Variants in ADPRHL1 observed in about 807,000 individuals in gnomAD.
ADPRHL1 encodes ADP-ribosylhydrolase like 1, also known as inactive ADP-ribosyltransferase ARH2.
In ADPRHL1, 43 loss-of-function variants were observed where a neutral mutation model predicts 44.1. The observed-to-expected ratio is 0.98, with a 90% CI of 0.76 to 1.26. The LOEUF (loss-of-function observed/expected upper bound fraction) is 1.26. Among genes scored for constraint, ADPRHL1 ranks in the 50% most tolerant of loss-of-function variants. ADPRHL1 has a pLI of 0.00. For missense variants in ADPRHL1, 2,022 were observed against 2,496.9 expected, an observed-to-expected ratio of 0.81 and a Z score of 4.05; for synonymous variants, 878 against 1,017.4, an observed-to-expected ratio of 0.86 and a Z score of 2.61.
In ADPRHL1 at chr13:113,433,726, C is replaced by A. The variant is rs1182282367; in HGVS notation, c.505+16G>T. The A allele has an allele frequency of 3.2e-6, 5 of 1,580,456 alleles. No individual in the cohort carries two copies. The African/African-American group carries it at 5.4e-5, about 17-fold the overall frequency. On this transcript the variant is annotated intron_variant, in intron 3 of 7. Transcript: ENST00000612156. ...ACTCCACGCTGACCTCCCTCCCACC[C>A]CCCGCCCACACTTACCTGTGGGATG...
chr13:113,422,983 A>G lies in ADPRHL1; in HGVS notation c.908-4T>C, dbSNP rs773550058. The G allele has an allele frequency of 3.1e-6, 5 of 1,612,592 alleles. No homozygotes were observed. The African/African-American group carries it at 6.7e-5, about 22-fold the overall frequency. ...GTGCCCGTGGCCGCGCTCTCCCCTG[A>G]AACGCAAAGGCAGCAGTTGCAGTGG... On this transcript the variant is annotated splice_polypyrimidine_tract_variant and splice_region_variant and intron_variant, in intron 6 of 7. Transcript: ENST00000612156.
chr13:113,428,002 A>T (rs1281201895), intron 4 of ADPRHL1, among the ~76,000 whole-genome samples: 4 of 152,270 alleles, frequency 2.6e-5, no homozygotes, highest in Admixed American at 2.6e-4. Flanking sequence ...GAGGTGGCTC[A>T]TGCCTGTAAT....
At chr13:113,421,913 C>T (rs2043926663) in intron 7 of ADPRHL1, 1 of 152,244 alleles carries the variant, frequency 6.6e-6, no homozygotes, top group South Asian at 2.1e-4. Context: ...AAAAGAGAGG[C>T]CCTAGCCAAG....
At chr13:113,448,585 C>T (rs752631559) in intron 1 of ADPRHL1, among the ~76,000 whole-genome samples, 3 of 151,198 alleles carry the variant, frequency 2.0e-5, no homozygotes, top group Non-Finnish European at 2.9e-5. Context: ...TGTTTCCAAA[C>T]GTTTTCTGCC....
At position 113,453,199 on chromosome 13, in the gene ADPRHL1, C is replaced by T. The variant is rs369375515; in HGVS notation, c.214+25G>A. On this transcript the variant is annotated intron_variant, in intron 1 of 7. Coordinates refer to ENST00000612156, the MANE Select transcript of ADPRHL1 (RefSeq NM_001394807.1). This position sits in a 1 kb window ranked among gnomAD's most constrained non-coding sequence, Gnocchi z 5.4. ...GCCAGTGTTCCCTCCAGCCCGCACA[C>T]CGGAGCGCGGTGGGCCCAGCCTACC... 1 of 1,613,208 alleles carries T rather than the reference C, an allele frequency of 6.2e-7. No individual in the cohort carries two copies. The highest frequency in any genetic ancestry group is 8.5e-7 in the Non-Finnish European group (1 of 1,179,648).
chr13:113,412,437 C>T (rs1404736455), intron 7 of ADPRHL1, among the ~76,000 whole-genome samples: 3 of 152,258 alleles, frequency 2.0e-5, no homozygotes, highest in South Asian at 2.1e-4. Context: ...CTCGGCCTCC[C>T]AAAGTGCTGG....
At chr13:113,413,860 G>C (rs912342399) in intron 7 of ADPRHL1, among the ~76,000 whole-genome samples, 13 of 152,346 alleles carry the variant, frequency 8.5e-5, no homozygotes, top group African/African-American at 1.7e-4. Flanking sequence ...TAAACAGCAG[G>C]GTGCCCGGCT....
At chr13:113,415,770 A>AAAAAAAAAAAAAAAG (rs1555325970) in intron 7 of ADPRHL1, among the ~76,000 whole-genome samples, 1 of 132,850 alleles carries the variant, frequency 7.5e-6, no homozygotes, top group African/African-American at 3.1e-5. Flanking sequence ...AAAAAAAAAA[A>AAAAAAAAAAAAAAAG]AGAGAGAGAG....
chr13:113,430,576 C>A (rs915097866), intron 3 of ADPRHL1, among the ~76,000 whole-genome samples: 4 of 152,160 alleles, frequency 2.6e-5, no homozygotes, highest in Admixed American at 6.5e-5. Flanking sequence ...GTGACTGCAG[C>A]AGTGGTTGTC....
chr13:113,442,528 G>C (rs530317906), intron 2 of ADPRHL1, among the ~76,000 whole-genome samples: 3 of 152,276 alleles, frequency 2.0e-5, no homozygotes, highest in Admixed American at 1.3e-4. Context: ...TGGCTCCACC[G>C]TCTTCTCACT....
intron 1 of ADPRHL1, among the ~76,000 whole-genome samples, chr13:113,446,903 GTGTGCATGGTGTCTACATGCAAGTTGTA>G (rs1263982852): frequency 6.8e-6 from 1 of 146,402 alleles, no homozygotes; most frequent in African/African-American, 2.6e-5. Context: ...ACGGTGTTGT[GTGTGCATGGTGTCTACATGCAAGTTGTA>G]TGTGCATGGT....
chr13:113,446,804 T>C (rs567070471), intron 1 of ADPRHL1, among the ~76,000 whole-genome samples: 1 of 149,560 alleles, frequency 6.7e-6, no homozygotes, highest in South Asian at 2.1e-4. Context: ...ATGCACAGTA[T>C]TGTCTACACG....
rs578000434 is a variant in ADPRHL1 at position 113,406,606 on chromosome 13, G to T, written c.2676C>A (p.Asn892Lys). 2.7e-5 allele frequency: 33 copies of T among 1,232,056 alleles called. No homozygotes were observed. In the African/African-American group the frequency reaches 3.7e-4, roughly 14 times the overall value. The allele number at this position is 1,232,056 out of a possible 1,614,324, so 76.3% of individuals were successfully genotyped here. A position where few individuals can be genotyped will look rare whatever the true frequency, so the allele number is the denominator to read the frequency against. Residue 892 changes from asparagine (N) to lysine (K), a missense_variant, in exon 8 of 8, where the codon AAC (asparagine) becomes AAA (lysine). By Grantham distance (94) the Asn-to-Lys change is moderately conservative. This residue lies in a region of ADPRHL1 where 1,221 missense variants were observed against 1,517.8 expected (regional missense o/e 0.80). Transcript: ENST00000612156. ...CCACTGGGGCTCGGTGACCCCTTCT[G>T]TTCTCAGTCACGGTGGGAAATTCTG... ...AHTEFPTVTE[N>K]RRGHRAPVEL...
chr13:113,414,107 A>G (rs1431894163), intron 7 of ADPRHL1, among the ~76,000 whole-genome samples: 1 of 152,060 alleles, frequency 6.6e-6, no homozygotes, highest in African/African-American at 2.4e-5. Context: ...GGCAGGGAAC[A>G]CCCTCAGCCG....
chr13:113,425,250 G>A (rs2043959898), intron 4 of ADPRHL1, 71 bp from the exon 5 acceptor site: 2 of 1,224,618 alleles, frequency 1.6e-6, no homozygotes, highest in South Asian at 1.5e-5. Context: ...GGGAGTTGGG[G>A]GTGGGGAGGG....
Position 113,425,039 on chromosome 13 carries a change from G to C in ADPRHL1, c.774+13C>G, listed in dbSNP as rs1280991665. 3 of 1,613,102 alleles carry C rather than the reference G, an allele frequency of 1.9e-6. No individual in the cohort carries two copies. Among genetic ancestry groups the C allele is most frequent in the Non-Finnish European group, 2.5e-6 (3 of 1,179,822 alleles). On this transcript the variant is annotated intron_variant, in intron 5 of 7. Transcript: ENST00000612156. Reference sequence around the variant, plus strand: ...TGTGCCAGACATTGCCCCAGTGCCAGGACAAGGCTTACCTTTTCCCTCTCT... The same window carrying C: ...TGTGCCAGACATTGCCCCAGTGCCACGACAAGGCTTACCTTTTCCCTCTCT...
intron 7 of ADPRHL1, among the ~76,000 whole-genome samples, chr13:113,415,084 G>A (rs1313816667): frequency 6.6e-6 from 1 of 152,200 alleles, no homozygotes; most frequent in African/African-American, 2.4e-5. Flanking sequence ...AACCCCCTGG[G>A]GCAGGTGAGG....
intron 7 of ADPRHL1, among the ~76,000 whole-genome samples, chr13:113,421,329 G>GCC (rs1265086333): frequency 1.1e-4 from 5 of 45,000 alleles, no homozygotes; most frequent in African/African-American, 2.3e-4. Flanking sequence ...CCCGGGACAC[G>GCC]CCCACCCCCG....
chr13:113,403,501 A>G lies in ADPRHL1; in HGVS notation c.5781T>C (p.Arg1927=). Residue 1927 remains arginine, a synonymous_variant, in exon 8 of 8, where the codon CGT becomes CGC. Transcript: ENST00000612156. The part of the protein sequence containing the change: ...QDRMEASEPE[R]RGRSRHLAKY... ...TGGCCAGGTGCCTGGACCTCCCGCG[A>G]CGCTCGGGCTCCGATGCCTCCATCC... 1 of 1,231,938 alleles carries G rather than the reference A, an allele frequency of 8.1e-7. No homozygotes were observed. Among genetic ancestry groups the G allele is most frequent in the African/African-American group, 1.6e-5 (1 of 64,430 alleles). 76.3% of individuals were successfully genotyped at this position (1,231,938 alleles called of 1,614,324 possible).
Sources: gnomAD v4.1 joint callset for allele counts (sites outside exome capture counted in the v4.1 genomes callset) on GRCh38, gnomAD v4.1.1 for gene constraint, gnomAD v4.1.1 regional missense constraint, Gnocchi (gnomAD v3.1) non-coding constraint, MANE v1.5 for transcripts, NCBI Gene and HGNC (gene_info 2026-07-23, HGNC 2026-07-21) for gene names.